Variants in DIAPH2 observed in about 807,000 individuals in gnomAD.
DIAPH2 encodes diaphanous related formin 2.
Under a neutral mutation model 92.7 loss-of-function variants are expected in DIAPH2, and 35 were observed. The ratio of observed to expected loss-of-function variants is 0.38; its 90% CI spans 0.29 to 0.50. The LOEUF (loss-of-function observed/expected upper bound fraction) is 0.50. Ranked by LOEUF, DIAPH2 falls within the 20% of genes least tolerant of loss-of-function variation. DIAPH2 has a pLI of 0.94. For synonymous variants in DIAPH2, 301 were observed against 280.4 expected (o/e 1.07, Z -0.73); for missense variants, 701 against 819.5 (o/e 0.86, Z 1.77).
At chrX:97,330,935 A>G (rs2068996211) in intron 23 of DIAPH2, among the ~76,000 whole-genome samples, 1 of 111,654 alleles carries the variant, frequency 9.0e-6, no homozygotes, top group Non-Finnish European at 1.9e-5. Context: ...ATAATGCTGC[A>G]TTGAATATAG....
At chrX:97,017,714 C>T (rs1231150684) in intron 17 of DIAPH2, among the ~76,000 whole-genome samples, 1 of 112,176 alleles carries the variant, frequency 8.9e-6, no homozygotes, top group Non-Finnish European at 1.9e-5. Flanking sequence ...AATGAATCAC[C>T]TTTCAAATGT....
chrX:97,412,663 T>C (rs752062986), intron 25 of DIAPH2, among the ~76,000 whole-genome samples: 3 of 111,513 alleles, frequency 2.7e-5, no homozygotes, highest in African/African-American at 9.8e-5. Flanking sequence ...CTAGCAAGAC[T>C]AATAAAGAAG....
intron 26 of DIAPH2, among the ~76,000 whole-genome samples, chrX:97,559,614 A>G (rs932964114): frequency 1.8e-5 from 2 of 112,294 alleles, no homozygotes; most frequent in African/African-American, 6.5e-5. Flanking sequence ...TTCATAGTGT[A>G]GTCTTACATG....
At chrX:96,706,458 G>A (rs757957488) in intron 1 of DIAPH2, among the ~76,000 whole-genome samples, 43 of 111,918 alleles carry the variant, frequency 3.8e-4, no homozygotes, top group Non-Finnish European at 7.1e-4. Context: ...ATGGAACTAC[G>A]GCAGTGGTAC....
chrX:96,799,592 G>A (rs188827216), intron 4 of DIAPH2, among the ~76,000 whole-genome samples: 48 of 111,472 alleles, frequency 4.3e-4, no homozygotes, highest in Admixed American at 1.6e-3. Flanking sequence ...GGCGGATCAC[G>A]AGCTTAGAAG....
At chrX:97,358,013 T>G (rs2069284883) in intron 24 of DIAPH2, among the ~76,000 whole-genome samples, 1 of 111,948 alleles carries the variant, frequency 8.9e-6, no homozygotes, top group African/African-American at 3.2e-5. Context: ...AAACATACAT[T>G]GTCTCCTAGT....
At position 96,731,554 on chromosome X, in the gene DIAPH2, G is replaced by C. The variant is rs544201636; in HGVS notation, c.133-4204G>C. 9.0e-5 allele frequency among the ~76,000 whole-genome samples: 10 copies of C among 111,701 alleles called. No individual in the cohort carries two copies. In the South Asian group the frequency reaches 3.8e-3, roughly 42 times the overall value. On this transcript the variant is annotated intron_variant, in intron 1 of 26. Transcript: ENST00000324765. ...TTACCATGTAACATTAGCTATAAGA[G>C]AGTTGAATCTTTACATCTTGCTCTT...
At chrX:97,120,018 T>G (rs753550904) in intron 21 of DIAPH2, among the ~76,000 whole-genome samples, 1 of 111,375 alleles carries the variant, frequency 9.0e-6, no homozygotes, top group Admixed American at 9.5e-5. Flanking sequence ...GCCTGTAGAG[T>G]CTACACAGCG....
intron 17 of DIAPH2, among the ~76,000 whole-genome samples, chrX:97,019,959 C>G (rs1184152045): frequency 8.9e-6 from 1 of 112,203 alleles, no homozygotes; most frequent in Admixed American, 9.4e-5. Context: ...TGTAATGCCA[C>G]GACTCCTGTA....
chrX:97,282,481 T>G (rs995405051), intron 23 of DIAPH2, among the ~76,000 whole-genome samples: 2 of 110,678 alleles, frequency 1.8e-5, no homozygotes, highest in African/African-American at 6.6e-5. Flanking sequence ...AGCTAATTTT[T>G]TGTATTTTTC....
In DIAPH2 at chrX:97,245,036, C is replaced by T. The variant is rs1359425577; in HGVS notation, c.2720-2679C>T. On this transcript the variant is annotated intron_variant, in intron 22 of 26. Transcript: ENST00000324765. ...CCAGGGAATCGGAGGTTGCAGTGAG[C>T]CGAGATATCATGCCACTACACTCCA... Among the ~76,000 whole-genome samples, 40 of 109,958 alleles carry T rather than the reference C, an allele frequency of 3.6e-4. No individual in the cohort carries two copies. In the Admixed American group the frequency reaches 3.9e-3, roughly 11 times the overall value.
intron 17 of DIAPH2, among the ~76,000 whole-genome samples, chrX:97,018,535 A>G (rs193015967): frequency 6.6e-4 from 74 of 112,289 alleles, no homozygotes; most frequent in African/African-American, 2.2e-3. Context: ...AGAGGAAATT[A>G]GTGATATATT....
intron 5 of DIAPH2, among the ~76,000 whole-genome samples, chrX:96,907,423 A>C (rs771042180): frequency 8.9e-6 from 1 of 112,401 alleles, no homozygotes; most frequent in South Asian, 3.7e-4. Flanking sequence ...TTCTTAAGCA[A>C]GGTATTAGAG....
At chrX:96,824,947 T>C (rs1269041716) in intron 4 of DIAPH2, among the ~76,000 whole-genome samples, 1 of 108,396 alleles carries the variant, frequency 9.2e-6, no homozygotes, top group African/African-American at 3.4e-5. Flanking sequence ...TTCTTTCTTT[T>C]TTTTTTTTTC....
rs747830648 is a variant in DIAPH2 at position 97,429,762 on chromosome X, C to T, written c.3241+17C>T. 1 of 1,182,992 alleles carries T rather than the reference C, an allele frequency of 8.5e-7. No homozygotes were observed. Among genetic ancestry groups the T allele is most frequent in the Non-Finnish European group, 1.1e-6 (1 of 875,241 alleles). On this transcript the variant is annotated intron_variant, in intron 26 of 26. Coordinates refer to ENST00000324765, the MANE Select transcript of DIAPH2 (RefSeq NM_006729.5). The stretch of plus-strand genomic sequence containing the variant: ...GGAATCCAGGTAAAACACATTCCAC[C>T]TCACATAGTATTGTAAAATATGAAT...
chrX:97,033,394 G>A (rs902548941), intron 17 of DIAPH2, among the ~76,000 whole-genome samples: 1 of 111,757 alleles, frequency 8.9e-6, no homozygotes, highest in Non-Finnish European at 1.9e-5. Context: ...AGCTGCATTA[G>A]AATGCTAGTA....
intron 26 of DIAPH2, among the ~76,000 whole-genome samples, chrX:97,574,497 C>T (rs1418516635): frequency 1.8e-5 from 2 of 110,142 alleles, no homozygotes; most frequent in African/African-American, 6.6e-5. Context: ...CCAGAGCTCA[C>T]GATAAAATGG....
At chrX:97,143,242 T>C (rs994455573) in intron 22 of DIAPH2, among the ~76,000 whole-genome samples, 25 of 111,089 alleles carry the variant, frequency 2.3e-4, no homozygotes, top group African/African-American at 7.5e-4. Context: ...AACATGTGGC[T>C]AATGTGAAAT....
intron 5 of DIAPH2, among the ~76,000 whole-genome samples, chrX:96,888,581 C>CTATATATA (rs72073544): frequency 4.2e-4 from 39 of 92,040 alleles, no homozygotes; most frequent in African/African-American, 1.6e-3. Flanking sequence ...ATATATATAT[C>CTATATATA]TATATATATA....
Sources: allele counts gnomAD v4.1 joint callset (sites outside exome capture counted in the v4.1 genomes callset), GRCh38; gene constraint gnomAD v4.1.1; transcripts MANE v1.5; gene names NCBI Gene and HGNC (gene_info 2026-07-23, HGNC 2026-07-21).